The following TBC1D8 variants were observed in gnomAD, a reference collection of about 807,000 sequenced individuals.
The protein encoded by TBC1D8 is BUB2-like protein 1.
A neutral mutation model predicts 118.8 loss-of-function variants in TBC1D8; 65 were observed. The ratio of observed to expected loss-of-function variants is 0.55; its 90% confidence interval spans 0.45 to 0.67. The LOEUF (loss-of-function observed/expected upper bound fraction) is 0.67, where lower values mean the gene tolerates loss of function less well. Ranked by LOEUF, TBC1D8 falls within the 30% of genes least tolerant of loss-of-function variation. TBC1D8 has a pLI of 0.00. For synonymous variants in TBC1D8, 566 were observed against 595.8 expected, an observed-to-expected ratio of 0.95 and a Z score of 0.73; for missense variants, 1,376 against 1,471.2, an observed-to-expected ratio of 0.94 and a Z score of 1.06.
intron 1 of TBC1D8, among the ~76,000 whole-genome samples, chr2:101,134,129 G>A (rs1444194881): frequency 6.6e-6 from 1 of 151,844 alleles, no homozygotes; most frequent in African/African-American, 2.4e-5. Flanking sequence ...ATTTGGAGGG[G>A]GGACATAAAT....
intron 15 of TBC1D8, among the ~76,000 whole-genome samples, chr2:101,026,682 G>A (rs1232877729): frequency 1.3e-5 from 2 of 152,254 alleles, no homozygotes; most frequent in East Asian, 3.9e-4. Flanking sequence ...CCCCGTCTCT[G>A]CCAGGGTAGC....
chr2:101,062,713 G>A (rs1009527817), intron 2 of TBC1D8, among the ~76,000 whole-genome samples: 1 of 152,114 alleles, frequency 6.6e-6, no homozygotes, highest in African/African-American at 2.4e-5. Flanking sequence ...TATGATCTTG[G>A]CTCACTGTAA....
At chr2:101,101,392 A>G (rs1179656761) in intron 1 of TBC1D8, among the ~76,000 whole-genome samples, 1 of 152,200 alleles carries the variant, frequency 6.6e-6, no homozygotes, top group African/African-American at 2.4e-5. Flanking sequence ...AAAAGTCAGG[A>G]AACAATAGAT....
chr2:101,123,897 C>T (rs1175735951), intron 1 of TBC1D8, among the ~76,000 whole-genome samples: 1 of 152,140 alleles, frequency 6.6e-6, no homozygotes, highest in Non-Finnish European at 1.5e-5. Flanking sequence ...TACTCACCAA[C>T]CAGGAAGCTA....
chr2:101,044,420 A>T (rs937837330), intron 5 of TBC1D8, among the ~76,000 whole-genome samples: 1 of 152,232 alleles, frequency 6.6e-6, no homozygotes, highest in Non-Finnish European at 1.5e-5. Context: ...TTCAAAGCAG[A>T]TGTTAGTTTT....
chr2:101,008,383 A>G (rs765843937), intron 19 of TBC1D8, 110 bp from the exon 20 acceptor site: 3 of 867,812 alleles, frequency 3.5e-6, no homozygotes, highest in Non-Finnish European at 5.1e-6. Context: ...TTTTGAAGAC[A>G]CAGAATATAA....
At chr2:101,085,281 C>T (rs1214376263) in intron 2 of TBC1D8, among the ~76,000 whole-genome samples, 1 of 152,034 alleles carries the variant, frequency 6.6e-6, no homozygotes, top group Non-Finnish European at 1.5e-5. Flanking sequence ...TGCTGTGTGG[C>T]CATTAAGAAC....
chr2:101,126,842 T>C (rs1014636389), intron 1 of TBC1D8, among the ~76,000 whole-genome samples: 1 of 152,134 alleles, frequency 6.6e-6, no homozygotes, highest in Non-Finnish European at 1.5e-5. Context: ...TTGAAGTGAG[T>C]GGAGCAAGAG....
In TBC1D8 at chr2:101,151,255, G is replaced by A; in HGVS notation, c.-2C>T. On this transcript the variant is annotated 5_prime_UTR_variant, in exon 1 of 20. Coordinates refer to ENST00000409318, the MANE Select transcript of TBC1D8 (RefSeq NM_001330348.2). ...CACCTCCTCGGGCTTGAGCCACATC[G>A]CGGCGGTCCGGCCGCGCCCGCCGGC... The A allele has an allele frequency of 8.7e-7, 1 of 1,155,840 alleles. No individual in the cohort carries two copies. Among genetic ancestry groups the A allele is most frequent in the East Asian group, 4.6e-5 (1 of 21,520 alleles). 71.6% of individuals were successfully genotyped at this position (1,155,840 alleles called of 1,614,324 possible). A position where few individuals can be genotyped will look rare whatever the true frequency, so the allele number is the denominator to read the frequency against.
At chr2:101,127,268 A>T (rs541791646) in intron 1 of TBC1D8, among the ~76,000 whole-genome samples, 156 of 151,996 alleles carry the variant, frequency 1.0e-3, no homozygotes, top group African/African-American at 3.7e-3. Context: ...CCTGGGAGGC[A>T]GAGGTTGCAG....
At chr2:101,143,200 T>C (rs535027084) in intron 1 of TBC1D8, among the ~76,000 whole-genome samples, 10 of 151,376 alleles carry the variant, frequency 6.6e-5, no homozygotes, top group Admixed American at 5.9e-4. Flanking sequence ...GTGGCTGGGA[T>C]TACAGGTGCC....
chr2:101,015,645 A>G (rs1679572876), intron 17 of TBC1D8, among the ~76,000 whole-genome samples: 1 of 152,240 alleles, frequency 6.6e-6, no homozygotes, highest in African/African-American at 2.4e-5. Context: ...ACAAAGCCAG[A>G]GGCATCACGC....
At chr2:101,032,129 TCAGGAG>T in intron 11 of TBC1D8, 133 bp downstream of exon 11, 3 of 755,732 alleles carry the variant, frequency 4.0e-6, no homozygotes, top group Non-Finnish European at 6.6e-6. Context: ...TTTTGCAAAT[TCAGGAG>T]TCAAACTGTG....
At chr2:101,051,773 C>T (rs1682089316) in intron 4 of TBC1D8, among the ~76,000 whole-genome samples, 1 of 152,134 alleles carries the variant, frequency 6.6e-6, no homozygotes, top group Admixed American at 6.5e-5. Context: ...TACCTCATAC[C>T]AGTCAGAATG....
intron 15 of TBC1D8, among the ~76,000 whole-genome samples, chr2:101,023,257 G>A (rs1275506460): frequency 1.3e-5 from 2 of 151,800 alleles, no homozygotes; most frequent in Non-Finnish European, 2.9e-5. Flanking sequence ...CCAGTCTCAT[G>A]CCTCAGCCTC....
At chr2:101,071,340 G>A (rs544071578) in intron 2 of TBC1D8, among the ~76,000 whole-genome samples, 7 of 149,250 alleles carry the variant, frequency 4.7e-5, no homozygotes, top group Middle Eastern at 3.5e-3. Flanking sequence ...GCGAGACTCC[G>A]TCTCAAAAAC....
chr2:101,140,014 T>G (rs1246764936), intron 1 of TBC1D8, among the ~76,000 whole-genome samples: 1 of 152,214 alleles, frequency 6.6e-6, no homozygotes, highest in African/African-American at 2.4e-5. Context: ...TGCTGCTTTA[T>G]CTACAAGTAA....
intron 1 of TBC1D8, among the ~76,000 whole-genome samples, chr2:101,100,456 C>A (rs1676755069): frequency 6.6e-6 from 1 of 152,142 alleles, no homozygotes; most frequent in Non-Finnish European, 1.5e-5. Context: ...TTCATAGATT[C>A]AATGCTATTC....
chr2:101,032,965 C>T (rs10179599), intron 10 of TBC1D8: 38,130 of 186,716 alleles, frequency 0.2, 4,283 homozygotes, highest in African/African-American at 0.3. Flanking sequence ...CCTCCCCAAA[C>T]AGCACTGCCA....
Sources: allele counts gnomAD v4.1 joint callset (sites outside exome capture counted in the v4.1 genomes callset), GRCh38; gene constraint gnomAD v4.1.1; transcripts MANE v1.5; gene names NCBI Gene and HGNC (gene_info 2026-07-23, HGNC 2026-07-21).